KRTAP13-4: variants seen among roughly 807,000 people sequenced by gnomAD.
KRTAP13-4 encodes keratin associated protein 13-4.
For synonymous variants in KRTAP13-4, 80 were observed against 77.2 expected (o/e 1.04, Z -0.19); for missense variants, 198 against 189.6 (o/e 1.04, Z -0.26).
exon 1 of KRTAP13-4, chr21:30,430,288 T>A (rs1984413608): frequency 6.2e-7 from 1 of 1,609,036 alleles, no homozygotes; most frequent in African/African-American, 1.3e-5. Context: ...GTCCTACAAC[T>A]GCTGCTCTAG....
At chr21:30,430,230 A>C (rs1352494279) in exon 1 of KRTAP13-4, 3 of 1,509,662 alleles carry the variant, frequency 2.0e-6, no homozygotes, top group South Asian at 1.3e-5. Flanking sequence ...ATTAAAACTC[A>C]GAATCTTCTT....
exon 1 of KRTAP13-4, chr21:30,430,401 G>A (rs760241033): frequency 8.1e-6 from 13 of 1,614,172 alleles, no homozygotes; most frequent in South Asian, 4.4e-5. Context: ...GCACCTGCCA[G>A]CTGCGTTCCT....
At chr21:30,430,926 T>C (rs1299582389) in exon 1 of KRTAP13-4, 11 of 699,922 alleles carry the variant, frequency 1.6e-5, no homozygotes, top group African/African-American at 9.0e-5. Flanking sequence ...TAACTTCTAA[T>C]ATCTTTACCA....
chr21:30,430,767 A>C (rs534646316), exon 1 of KRTAP13-4: 1 of 1,596,634 alleles, frequency 6.3e-7, no homozygotes, highest in African/African-American at 1.3e-5. Flanking sequence ...AAATTTCTAG[A>C]TCCTTTTGAG....
At chr21:30,430,873 A>T in exon 1 of KRTAP13-4, 1 of 1,246,196 alleles carries the variant, frequency 8.0e-7, no homozygotes, top group Non-Finnish European at 1.1e-6. Context: ...TTCTTGCATG[A>T]CCAACTTCTG....
exon 1 of KRTAP13-4, chr21:30,430,659 A>G: frequency 6.2e-7 from 1 of 1,614,180 alleles, no homozygotes; most frequent in Non-Finnish European, 8.5e-7. Context: ...TGAGTTACGG[A>G]TCCAGATTCT....
At chr21:30,430,255 G>GCT in exon 1 of KRTAP13-4, 1 of 1,575,022 alleles carries the variant, frequency 6.3e-7, no homozygotes, top group South Asian at 1.2e-5. Flanking sequence ...ACACTCAGCT[G>GCT]AACTCCCATC....
exon 1 of KRTAP13-4, chr21:30,430,865 C>T: frequency 7.7e-7 from 1 of 1,306,868 alleles, no homozygotes; most frequent in Non-Finnish European, 1.1e-6. Flanking sequence ...CCACCAGCTT[C>T]TTGCATGACC....
chr21:30,430,777 G>A, exon 1 of KRTAP13-4: 2 of 1,584,206 alleles, frequency 1.3e-6, no homozygotes, highest in Non-Finnish European at 8.6e-7. Context: ...ATCCTTTTGA[G>A]TATTGGGATC....
chr21:30,430,579 T>C (rs1336459731), exon 1 of KRTAP13-4: 2 of 1,614,218 alleles, frequency 1.2e-6, no homozygotes, highest in East Asian at 4.5e-5. Context: ...ATCTAGGTGC[T>C]GCTACTCGCT....
exon 1 of KRTAP13-4, chr21:30,430,351 C>A: frequency 6.2e-7 from 1 of 1,613,708 alleles, no homozygotes; most frequent in Non-Finnish European, 8.5e-7. Flanking sequence ...AGGCTCCTAC[C>A]CCAGCAGCCT....
At chr21:30,430,799 T>A in exon 1 of KRTAP13-4, 1 of 1,542,586 alleles carries the variant, frequency 6.5e-7, no homozygotes, top group Non-Finnish European at 8.7e-7. Context: ...AAGTCTCTAC[T>A]GAATGCAGCC....
chr21:30,430,429 C>A (rs377329811), exon 1 of KRTAP13-4: 12 of 1,614,088 alleles, frequency 7.4e-6, no homozygotes, highest in Non-Finnish European at 9.3e-6. Context: ...CAGGGACTGT[C>A]AGAAGACCTG....
At chr21:30,430,959 A>G (rs1171949323) in exon 1 of KRTAP13-4, 1 of 504,296 alleles carries the variant, frequency 2.0e-6, no homozygotes, top group Non-Finnish European at 3.4e-6. Flanking sequence ...ATGCTATCTG[A>G]TTTTCATCCA....
chr21:30,430,512 G>A (rs747670157), exon 1 of KRTAP13-4: 8 of 1,614,052 alleles, frequency 5.0e-6, no homozygotes, highest in East Asian at 2.2e-5. Context: ...CCTGTCAGAC[G>A]ACTTGCTCTG....
At chr21:30,430,761 T>A in exon 1 of KRTAP13-4, 1 of 1,599,076 alleles carries the variant, frequency 6.3e-7, no homozygotes, top group Non-Finnish European at 8.5e-7. Context: ...CCTGCTAAAT[T>A]TCTAGATCCT....
the KRTAP13-4 span, chr21:30,430,528 CT>C: frequency 6.2e-7 from 1 of 1,614,226 alleles, no homozygotes; most frequent in East Asian, 2.2e-5. Flanking sequence ...CTCTGGATCT[CT>C]AGGCTTTCGG....
chr21:30,430,276 A>C (rs780680912), exon 1 of KRTAP13-4: 2 of 1,599,478 alleles, frequency 1.3e-6, no homozygotes, highest in Non-Finnish European at 1.7e-6. Flanking sequence ...TCTCATCAGC[A>C]TGTCCTACAA....
chr21:30,430,412 C>T (rs558455896), exon 1 of KRTAP13-4: 6 of 1,614,228 alleles, frequency 3.7e-6, no homozygotes, highest in East Asian at 4.5e-5. Context: ...CTGCGTTCCT[C>T]TCTCTACAGG....
Sources: gnomAD v4.1 joint callset for allele counts on GRCh38, gnomAD v4.1.1 for gene constraint, MANE v1.5 for transcripts, NCBI Gene and HGNC (gene_info 2026-07-23, HGNC 2026-07-21) for gene names.